PTK2: variants seen among roughly 807,000 people sequenced by gnomAD.
PTK2 encodes the protein protein tyrosine kinase 2.
In PTK2, 45 loss-of-function variants were observed where a neutral mutation model predicts 150.1. The observed-to-expected ratio is 0.30, with a 90% CI of 0.24 to 0.38. The LOEUF (loss-of-function observed/expected upper bound fraction) is 0.38. Among genes scored for constraint, PTK2 ranks in the 10% least tolerant of loss-of-function variants. The pLI, the probability that PTK2 is intolerant of heterozygous loss-of-function variation, is 1.00. For synonymous variants in PTK2, 432 were observed against 449.2 expected, an observed-to-expected ratio of 0.96 and a Z score of 0.48; for missense variants, 919 against 1,307.3, an observed-to-expected ratio of 0.70 and a Z score of 4.58.
At chr8:140,949,607 A>G (rs1373474464) in intron 1 of PTK2, among the ~76,000 whole-genome samples, 1 of 152,198 alleles carries the variant, frequency 6.6e-6, no homozygotes, top group Non-Finnish European at 1.5e-5. Context: ...GCGCTGACAC[A>G]CCAGCCCCCT....
At chr8:140,898,332 C>T (rs1400994131) in intron 2 of PTK2, among the ~76,000 whole-genome samples, 1 of 152,188 alleles carries the variant, frequency 6.6e-6, no homozygotes, top group Non-Finnish European at 1.5e-5. Context: ...CAACATTAGT[C>T]TGCTGACTAC....
intron 8 of PTK2, among the ~76,000 whole-genome samples, chr8:140,828,497 T>C (rs1392265015): frequency 6.6e-6 from 1 of 152,168 alleles, no homozygotes; most frequent in South Asian, 2.1e-4. Context: ...TTCCTAATTG[T>C]TTATACACAT....
At chr8:140,776,217 G>A (rs2100078369) in intron 14 of PTK2, among the ~76,000 whole-genome samples, 1 of 152,194 alleles carries the variant, frequency 6.6e-6, no homozygotes, top group Non-Finnish European at 1.5e-5. Flanking sequence ...TGGCCAGGCT[G>A]GTCTGGAATT....
intron 1 of PTK2, among the ~76,000 whole-genome samples, chr8:140,937,483 T>C (rs2100174042): frequency 1.3e-5 from 2 of 151,810 alleles, no homozygotes; most frequent in East Asian, 1.9e-4. Context: ...TATACTCTAA[T>C]TGGCACCCTT....
exon 29 of PTK2, chr8:140,674,307 C>T (rs1447813556): frequency 1.2e-6 from 2 of 1,604,640 alleles, no homozygotes; most frequent in East Asian, 2.2e-5. Context: ...CCTTGACACC[C>T]TCGTTGTAGC....
intron 7 of PTK2, among the ~76,000 whole-genome samples, chr8:140,833,624 C>T (rs1224593997): frequency 1.3e-5 from 2 of 152,094 alleles, no homozygotes; most frequent in South Asian, 2.1e-4. Context: ...CCTCAAGTGG[C>T]GTAAAAACCT....
At chr8:140,789,721 C>T (rs2100087347) in intron 13 of PTK2, among the ~76,000 whole-genome samples, 195 bp from the exon 14 acceptor site, 1 of 152,116 alleles carries the variant, frequency 6.6e-6, no homozygotes, top group South Asian at 2.1e-4. Context: ...AAATACACAA[C>T]TGAAGGAATG....
intron 13 of PTK2, among the ~76,000 whole-genome samples, 183 bp downstream of exon 13, chr8:140,793,171 T>C (rs1367293156): frequency 6.6e-6 from 1 of 152,210 alleles, no homozygotes; most frequent in Admixed American, 6.5e-5. Flanking sequence ...TTAAAACCTT[T>C]TGATTAAGCC....
chr8:140,991,636 C>T (rs2100195731), intron 1 of PTK2, among the ~76,000 whole-genome samples: 1 of 152,172 alleles, frequency 6.6e-6, no homozygotes, highest in African/African-American at 2.4e-5. Flanking sequence ...CCTCCTATGA[C>T]TTGCATTTCT....
At chr8:140,995,131 A>AGCACTTT (rs1424570698) in intron 1 of PTK2, among the ~76,000 whole-genome samples, 1 of 151,212 alleles carries the variant, frequency 6.6e-6, no homozygotes, top group Non-Finnish European at 1.5e-5. Flanking sequence ...CTATAATCCC[A>AGCACTTT]GCACTTTGGG....
chr8:140,848,149 C>T (rs112521360), intron 5 of PTK2, among the ~76,000 whole-genome samples: 4,092 of 152,252 alleles, frequency 0.027, 76 homozygotes, highest in Middle Eastern at 0.054. Flanking sequence ...GCCTAGGAAG[C>T]GCTACAATTC....
intron 12 of PTK2, among the ~76,000 whole-genome samples, chr8:140,799,006 T>C (rs577521736): frequency 9.2e-5 from 14 of 152,344 alleles, no homozygotes; most frequent in African/African-American, 3.4e-4. Context: ...AGGAAAAATA[T>C]ATGAATAGGC....
At chr8:140,908,068 G>A (rs760918684) in intron 2 of PTK2, among the ~76,000 whole-genome samples, 1 of 152,308 alleles carries the variant, frequency 6.6e-6, no homozygotes, top group South Asian at 2.1e-4. Context: ...GTGCCAAAAA[G>A]CCAAGTTGTG....
At chr8:140,920,641 G>C (rs938323495) in intron 2 of PTK2, among the ~76,000 whole-genome samples, 2 of 152,060 alleles carry the variant, frequency 1.3e-5, no homozygotes, top group African/African-American at 4.8e-5. Flanking sequence ...TATTTGAAAA[G>C]CTATCTAATT....
chr8:140,766,971 T>A (rs2100072651), intron 14 of PTK2, among the ~76,000 whole-genome samples: 1 of 152,200 alleles, frequency 6.6e-6, no homozygotes, highest in South Asian at 2.1e-4. Flanking sequence ...GTAACTCCTC[T>A]GATTGTTTTG....
At chr8:140,738,075 C>A (rs2100053614) in intron 21 of PTK2, among the ~76,000 whole-genome samples, 2 of 152,104 alleles carry the variant, frequency 1.3e-5, no homozygotes, top group South Asian at 4.1e-4. Context: ...AAAAAAGGTA[C>A]ATAATCTTAA....
chr8:140,741,741 A>T (rs2100055820), intron 20 of PTK2, among the ~76,000 whole-genome samples: 1 of 152,230 alleles, frequency 6.6e-6, no homozygotes, highest in Non-Finnish European at 1.5e-5. Context: ...TGAAAACATT[A>T]TTCAGTAAAA....
chr8:140,995,643 A>C (rs11781597), intron 1 of PTK2, among the ~76,000 whole-genome samples: 66,199 of 151,546 alleles, frequency 0.44, 16,373 homozygotes, highest in Non-Finnish European at 0.57. Flanking sequence ...CTCTACTAAA[A>C]AAACAAACAA....
At chr8:140,805,908 C>G (rs1482490623) in intron 10 of PTK2, among the ~76,000 whole-genome samples, 1 of 152,200 alleles carries the variant, frequency 6.6e-6, no homozygotes, top group African/African-American at 2.4e-5. Context: ...AGCATGATTT[C>G]TATGAGCAAA....
Sources: allele counts gnomAD v4.1 joint callset (sites outside exome capture counted in the v4.1 genomes callset), GRCh38; gene constraint gnomAD v4.1.1; transcripts MANE v1.5; gene names NCBI Gene and HGNC (gene_info 2026-07-23, HGNC 2026-07-21).